Variants in LRP6 observed in about 807,000 individuals in gnomAD.
The protein encoded by LRP6 is LDL receptor related protein 6.
LRP6 carries 43 observed loss-of-function variants against 184.1 expected under a neutral mutation model. The ratio of observed to expected loss-of-function variants is 0.23; its 90% confidence interval spans 0.18 to 0.30. The LOEUF is 0.30. LRP6 is among the 10% of genes least tolerant of loss of function. The pLI is 1.00. For synonymous variants in LRP6, 719 were observed against 684.9 expected, an observed-to-expected ratio of 1.05 and a Z score of -0.78; for missense variants, 1,571 against 2,005.3, an observed-to-expected ratio of 0.78 and a Z score of 4.14.
At chr12:12,176,842 ACT>A (rs1491513991) in intron 7 of LRP6, among the ~76,000 whole-genome samples, 7 of 122,850 alleles carry the variant, frequency 5.7e-5, no homozygotes, top group Non-Finnish European at 1.1e-4. Flanking sequence ...GTGAGCCCAA[ACT>A]TTTTTTTTTT....
chr12:12,151,477 G>C (rs1247578150), intron 12 of LRP6, among the ~76,000 whole-genome samples: 1 of 142,318 alleles, frequency 7.0e-6, no homozygotes, highest in African/African-American at 2.6e-5. Flanking sequence ...ACCCATCTAA[G>C]GAAAAAAAAA....
intron 2 of LRP6, among the ~76,000 whole-genome samples, chr12:12,234,820 C>A (rs1179540595): frequency 1.4e-5 from 2 of 147,878 alleles, no homozygotes; most frequent in Non-Finnish European, 3.0e-5. Context: ...AGAGAGACTA[C>A]GTCTCAAAAA....
chr12:12,236,201 T>C (rs910091283), intron 2 of LRP6, among the ~76,000 whole-genome samples: 12 of 152,022 alleles, frequency 7.9e-5, no homozygotes, highest in African/African-American at 2.9e-4. Flanking sequence ...CACTCCAGCC[T>C]GGGCGACAGA....
At chr12:12,248,859 T>C (rs576117693) in intron 1 of LRP6, 33 of 285,470 alleles carry the variant, frequency 1.2e-4, no homozygotes, top group African/African-American at 6.7e-4. Context: ...GTTCTCCTCA[T>C]ACAATACTAC....
intron 2 of LRP6, among the ~76,000 whole-genome samples, chr12:12,232,417 A>G (rs1345593885): frequency 6.6e-6 from 1 of 151,952 alleles, no homozygotes; most frequent in Non-Finnish European, 1.5e-5. Flanking sequence ...TGGTCACTGG[A>G]AACACTTCCA....
intron 2 of LRP6, among the ~76,000 whole-genome samples, chr12:12,219,573 A>T (rs538024265): frequency 6.6e-6 from 1 of 152,228 alleles, no homozygotes; most frequent in Non-Finnish European, 1.5e-5. Flanking sequence ...GGGAAAAAAT[A>T]CAAACAAGAC....
chr12:12,204,279 C>T (rs1170983556), intron 2 of LRP6, among the ~76,000 whole-genome samples: 1 of 96,202 alleles, frequency 1.0e-5, no homozygotes, highest in Non-Finnish European at 2.0e-5. Flanking sequence ...TCATAAAAGT[C>T]AAAAAAAAAA....
At position 12,131,808 on chromosome 12, in the gene LRP6, G is replaced by T; in HGVS notation, c.3970+13C>A. 1 of 1,608,280 alleles carries T rather than the reference G, an allele frequency of 6.2e-7. No individual in the cohort carries two copies. The highest frequency in any genetic ancestry group is 8.5e-7 in the Non-Finnish European group (1 of 1,174,600). On this transcript the variant is annotated intron_variant, in intron 18 of 22. Coordinates refer to ENST00000261349, the MANE Select transcript of LRP6 (RefSeq NM_002336.3). ...AAGGATTGCATGCTGAGGCACTGAA[G>T]AATTCTGGATACCTTCACAGTTCTT...
intron 3 of LRP6, among the ~76,000 whole-genome samples, chr12:12,196,869 T>C (rs1863776058): frequency 6.6e-6 from 1 of 152,186 alleles, no homozygotes; most frequent in South Asian, 2.1e-4. Flanking sequence ...CTTTTTCTTC[T>C]TGTGATGTTA....
Position 12,121,422 on chromosome 12 carries a change from T to C in LRP6, c.4548-2A>G, listed in dbSNP as rs766252616. On this transcript the variant is annotated splice_acceptor_variant, in intron 22 of 22. Coordinates refer to ENST00000261349, the MANE Select transcript of LRP6 (RefSeq NM_002336.3). LOFTEE classifies it high-confidence loss of function. ...TGCCGGTAGCTATATGGCCTGTAGC[T>C]GGTATAGGGAGAAAATAAAGAGAAG... is the stretch of plus-strand genomic sequence containing the variant. The C allele has an allele frequency of 6.2e-7, 1 of 1,613,782 alleles. No homozygotes were observed. The highest frequency in any genetic ancestry group is 1.7e-5 in the Admixed American group (1 of 59,994).
chr12:12,213,983 C>T (rs1332577901), intron 2 of LRP6, among the ~76,000 whole-genome samples: 1 of 152,142 alleles, frequency 6.6e-6, no homozygotes, highest in Non-Finnish European at 1.5e-5. Flanking sequence ...GTCTTTCCTA[C>T]TGGCTTTGAC....
intron 1 of LRP6, among the ~76,000 whole-genome samples, chr12:12,258,737 A>G (rs1360189281): frequency 1.3e-5 from 2 of 152,270 alleles, no homozygotes; most frequent in African/African-American, 2.4e-5. Flanking sequence ...CTTGCAAAAC[A>G]TAGTATCTTT....
chr12:12,235,944 G>A (rs1005189774), intron 2 of LRP6, among the ~76,000 whole-genome samples: 9 of 151,782 alleles, frequency 5.9e-5, no homozygotes, highest in African/African-American at 1.2e-4. Flanking sequence ...CAATGAGGGC[G>A]GCTGGACGCG....
At chr12:12,222,871 C>T (rs1864527181) in intron 2 of LRP6, among the ~76,000 whole-genome samples, 1 of 151,976 alleles carries the variant, frequency 6.6e-6, no homozygotes, top group Admixed American at 6.6e-5. Context: ...GTTACATATA[C>T]AATCCTAAAA....
In LRP6 at chr12:12,244,463, G is replaced by C; in HGVS notation, c.248C>G (p.Thr83Ser). The C allele has an allele frequency of 6.2e-7, 1 of 1,614,192 alleles. No homozygotes were observed. Among genetic ancestry groups the C allele is most frequent in the Non-Finnish European group, 8.5e-7 (1 of 1,180,024 alleles). ...EAIKRTEFNKTESVQNVVVSG... is the reference protein window; with the variant it reads ...EAIKRTEFNKSESVQNVVVSG... ...AACAACAACATTCTGCACACTCTCA[G>C]TTTTGTTAAATTCTGTTCGTTTAAT... is the stretch of plus-strand genomic sequence containing the variant. The change falls in exon 2 of 23, where the codon ACT (threonine) becomes AGT (serine). Residue 83 changes from threonine (T) to serine (S), a missense_variant. Thr to Ser is a moderately conservative substitution (Grantham distance 58). Transcript: ENST00000261349.
chr12:12,197,911 G>T lies in LRP6; in HGVS notation c.647+5292C>A, dbSNP rs924200235. 1.3e-5 allele frequency among the ~76,000 whole-genome samples: 2 copies of T among 152,188 alleles called. 1 individual carries two copies. The highest frequency in any genetic ancestry group is 3.9e-4 in the East Asian group (2 of 5,192). On this transcript the variant is annotated intron_variant, in intron 3 of 22. Coordinates refer to ENST00000261349, the MANE Select transcript of LRP6 (RefSeq NM_002336.3). ...TACAAAAAATTAGTCAGGTGTGGTG[G>T]TGTGCACCTGTAGTCCCAGCTACTT...
intron 1 of LRP6, among the ~76,000 whole-genome samples, chr12:12,261,389 C>A (rs1353961467): frequency 7.2e-6 from 1 of 139,462 alleles, no homozygotes; most frequent in Non-Finnish European, 1.5e-5. Flanking sequence ...GGCGACAGAG[C>A]AAGACTCCGT....
At chr12:12,239,404 G>A (rs1865003924) in intron 2 of LRP6, among the ~76,000 whole-genome samples, 1 of 152,102 alleles carries the variant, frequency 6.6e-6, no homozygotes, top group South Asian at 2.1e-4. Flanking sequence ...CGGTCCAAGT[G>A]GTAGGACAAT....
Position 12,247,290 on chromosome 12 carries a change from C to T in LRP6, c.56-2635G>A, listed in dbSNP as rs75344723. On this transcript the variant is annotated intron_variant, in intron 1 of 22. Transcript: ENST00000261349. ...ATAATCATCTAATATTTACTGGGCA[C>T]CTTCTTTATGGCACTATCTTGGAAA... Among the ~76,000 whole-genome samples, 3 of 152,248 alleles carry T rather than the reference C, an allele frequency of 2.0e-5. No homozygotes were observed. In the East Asian group the frequency reaches 5.8e-4, roughly 29 times the overall value.
Sources: allele counts gnomAD v4.1 joint callset (sites outside exome capture counted in the v4.1 genomes callset), GRCh38; gene constraint gnomAD v4.1.1; transcripts MANE v1.5; gene names NCBI Gene and HGNC (gene_info 2026-07-23, HGNC 2026-07-21).